Variants in SLC16A2 observed in about 807,000 individuals in gnomAD.
SLC16A2 encodes monocarboxylate transporter 8.
In SLC16A2, 3 loss-of-function variants were observed where a neutral mutation model predicts 27.2. The observed-to-expected ratio is 0.11, with a 90% CI of 0.05 to 0.28. The LOEUF is 0.28. Among genes scored for constraint, SLC16A2 ranks in the 10% least tolerant of loss-of-function variants. The probability of loss-of-function intolerance (pLI) is 1.00; values close to 1 mark genes in which losing one functional copy is unlikely to be tolerated. For missense variants in SLC16A2, 295 were observed against 458.5 expected (o/e 0.64, Z 3.26); for synonymous variants, 202 against 187.8 (o/e 1.08, Z -0.62).
At chrX:74,430,154 G>A (rs1171528929) in intron 1 of SLC16A2, among the ~76,000 whole-genome samples, 3 of 112,390 alleles carry the variant, frequency 2.7e-5, no homozygotes, top group Non-Finnish European at 3.7e-5. Context: ...CACTTTACAT[G>A]TACCAACTTA....
intron 1 of SLC16A2, among the ~76,000 whole-genome samples, chrX:74,494,174 A>G (rs1030395984): frequency 8.9e-6 from 1 of 112,215 alleles, no homozygotes; most frequent in Non-Finnish European, 1.9e-5. Context: ...CTTTTCTTAC[A>G]TTTGCCAGTG....
intron 1 of SLC16A2, among the ~76,000 whole-genome samples, chrX:74,451,912 C>T (rs1018765260): frequency 8.0e-5 from 9 of 112,512 alleles, no homozygotes; most frequent in Non-Finnish European, 3.8e-5. Context: ...GTCATGCTGT[C>T]AGAAACAGAA....
chrX:74,427,575 G>A (rs1193293947), intron 1 of SLC16A2, among the ~76,000 whole-genome samples: 2 of 111,838 alleles, frequency 1.8e-5, no homozygotes, highest in East Asian at 2.8e-4. Context: ...AACCTTTTGA[G>A]CAGACCAGTT....
chrX:74,481,999 C>T (rs1049754226), intron 1 of SLC16A2, among the ~76,000 whole-genome samples: 24 of 110,053 alleles, frequency 2.2e-4, no homozygotes, highest in African/African-American at 7.3e-4. Context: ...GTGCCCTAGG[C>T]CCTAGCTCCT....
intron 1 of SLC16A2, among the ~76,000 whole-genome samples, chrX:74,515,908 T>C (rs191073568): frequency 4.4e-4 from 49 of 111,406 alleles, no homozygotes; most frequent in African/African-American, 1.6e-3. Context: ...AAAGAATAGC[T>C]AAAGGAAATT....
At chrX:74,477,596 C>T (rs1373829347) in intron 1 of SLC16A2, among the ~76,000 whole-genome samples, 1 of 111,794 alleles carries the variant, frequency 8.9e-6, no homozygotes, top group Non-Finnish European at 1.9e-5. Flanking sequence ...GAGATCTTTC[C>T]TGCTTTCTCT....
chrX:74,450,134 C>T (rs1434550253), intron 1 of SLC16A2, among the ~76,000 whole-genome samples: 1 of 112,414 alleles, frequency 8.9e-6, no homozygotes, highest in African/African-American at 3.2e-5. Context: ...CCTTTAGTCA[C>T]CTCCTTCCAA....
chrX:74,516,944 C>T (rs1201015147), intron 1 of SLC16A2, among the ~76,000 whole-genome samples: 1 of 111,709 alleles, frequency 9.0e-6, no homozygotes, highest in Non-Finnish European at 1.9e-5. Flanking sequence ...TTCAAAAGGC[C>T]ACATACTGTA....
intron 1 of SLC16A2, among the ~76,000 whole-genome samples, chrX:74,478,442 C>G (rs1267758402): frequency 9.0e-6 from 1 of 111,720 alleles, no homozygotes. Context: ...TCCAATTTGC[C>G]AGTCTATGCC....
chrX:74,531,250 G>C (rs1481145092), intron 5 of SLC16A2, 83 bp from the exon 6 acceptor site: 2 of 813,972 alleles, frequency 2.5e-6, no homozygotes, highest in Non-Finnish European at 3.7e-6. Flanking sequence ...GATAGGCACT[G>C]TGATGGCCCC....
chrX:74,442,228 CAAAA>C (rs1278847714), intron 1 of SLC16A2, among the ~76,000 whole-genome samples: 2 of 38,377 alleles, frequency 5.2e-5, no homozygotes, highest in African/African-American at 8.9e-5. Flanking sequence ...AACTCCGTCT[CAAAA>C]AAAAAAAAAA....
chrX:74,462,129 G>T (rs953154133), intron 1 of SLC16A2, among the ~76,000 whole-genome samples: 1 of 112,017 alleles, frequency 8.9e-6, no homozygotes, highest in South Asian at 3.8e-4. Context: ...GTCCTGAGAT[G>T]CCCCTCGGAG....
chrX:74,494,063 A>T (rs1163985976), intron 1 of SLC16A2, among the ~76,000 whole-genome samples: 1 of 111,898 alleles, frequency 8.9e-6, no homozygotes, highest in Admixed American at 9.5e-5. Context: ...AGCAACACAG[A>T]TGCTTCTCAA....
At chrX:74,491,847 G>A (rs192156722) in intron 1 of SLC16A2, among the ~76,000 whole-genome samples, 28 of 112,478 alleles carry the variant, frequency 2.5e-4, no homozygotes, top group African/African-American at 8.7e-4. Context: ...AATTTCGCCA[G>A]TTGCAGTTTT....
At chrX:74,474,067 A>T (rs769989237) in intron 1 of SLC16A2, 1 of 139,716 alleles carries the variant, frequency 7.2e-6, no homozygotes, top group East Asian at 1.9e-4. Flanking sequence ...TTGCATTTTC[A>T]TACACATCTT....
chrX:74,461,975 T>C (rs1277804743), intron 1 of SLC16A2, among the ~76,000 whole-genome samples: 4 of 111,464 alleles, frequency 3.6e-5, no homozygotes, highest in African/African-American at 9.8e-5. Flanking sequence ...TCCTATTTCA[T>C]TGGAGTGTCT....
At chrX:74,455,175 AAT>A (rs1317439361) in intron 1 of SLC16A2, among the ~76,000 whole-genome samples, 3 of 111,932 alleles carry the variant, frequency 2.7e-5, no homozygotes, top group African/African-American at 9.7e-5. Context: ...TGTTTAAATG[AAT>A]TGATATATCT....
chrX:74,445,608 G>A lies in SLC16A2; in HGVS notation c.430+23541G>A, dbSNP rs747984889. 7.5e-4 allele frequency among the ~76,000 whole-genome samples: 78 copies of A among 103,547 alleles called. 1 individual carries two copies. Among genetic ancestry groups the A allele is most frequent in the African/African-American group, 2.3e-3 (65 of 28,484 alleles). The allele number at this position is 103,547 out of a possible 115,157, so 89.9% of individuals were successfully genotyped here. A position where few individuals can be genotyped will look rare whatever the true frequency, so the allele number is the denominator to read the frequency against. ...TATAAACCACTATATCTCTCCTTATGAAGCATTATACTCAATTGTTAGCTC... is the reference window on the plus strand; with the variant it reads ...TATAAACCACTATATCTCTCCTTATAAAGCATTATACTCAATTGTTAGCTC... On this transcript the variant is annotated intron_variant, in intron 1 of 5. Transcript: ENST00000587091.
chrX:74,422,309 C>T (rs1928320594), intron 1 of SLC16A2, among the ~76,000 whole-genome samples: 1 of 112,145 alleles, frequency 8.9e-6, no homozygotes, highest in Non-Finnish European at 1.9e-5. Flanking sequence ...CGAACTGGGA[C>T]ATTCATTGAT....
Sources: allele counts gnomAD v4.1 joint callset (sites outside exome capture counted in the v4.1 genomes callset), GRCh38; gene constraint gnomAD v4.1.1; transcripts MANE v1.5; gene names NCBI Gene and HGNC (gene_info 2026-07-23, HGNC 2026-07-21).